MARCHF10: variants seen among roughly 807,000 people sequenced by gnomAD.
MARCHF10 encodes membrane associated ring-CH-type finger 10.
In MARCHF10, 64 loss-of-function variants were observed where a neutral mutation model predicts 76.2. That is an observed-to-expected ratio of 0.84 (90% CI 0.69 to 1.03). The LOEUF is 1.03. Among genes scored for constraint, MARCHF10 ranks in the 50% least tolerant of loss-of-function variants. MARCHF10 has a pLI of 0.00. For synonymous variants in MARCHF10, 340 were observed against 357.5 expected, an observed-to-expected ratio of 0.95 and a Z score of 0.55; for missense variants, 875 against 958.0, an observed-to-expected ratio of 0.91 and a Z score of 1.14.
intron 9 of MARCHF10, among the ~76,000 whole-genome samples, chr17:62,710,876 G>A (rs570454625): frequency 1.8e-4 from 28 of 151,998 alleles, no homozygotes; most frequent in African/African-American, 6.3e-4. Context: ...CCTCTTTTTC[G>A]CAGGTCCTCC....
intron 8 of MARCHF10, among the ~76,000 whole-genome samples, chr17:62,720,860 A>ATTTTTTTTTTTTTTTTTTTTTT: frequency 1.1e-5 from 1 of 87,992 alleles, no homozygotes; most frequent in Non-Finnish European, 2.2e-5. Context: ...GTAAGTTGTG[A>ATTTTTTTTTTTTTTTTTTTTTT]TTTTTTTTTT....
intron 7 of MARCHF10, among the ~76,000 whole-genome samples, chr17:62,723,459 A>G (rs1255202988): frequency 6.7e-6 from 1 of 150,344 alleles, no homozygotes; most frequent in African/African-American, 2.5e-5. Context: ...CCTCCATTCT[A>G]TTTCCCCACT....
At chr17:62,714,998 C>T (rs1346130108) in intron 8 of MARCHF10, among the ~76,000 whole-genome samples, 9 of 152,186 alleles carry the variant, frequency 5.9e-5, no homozygotes, top group African/African-American at 1.9e-4. Flanking sequence ...CCACCCACCT[C>T]GGCCTTTCAA....
At chr17:62,710,222 T>C (rs2089841135) in intron 9 of MARCHF10, among the ~76,000 whole-genome samples, 1 of 152,208 alleles carries the variant, frequency 6.6e-6, no homozygotes, top group Non-Finnish European at 1.5e-5. Context: ...CCCGGATGCT[T>C]TGAAGTTCAG....
intron 8 of MARCHF10, among the ~76,000 whole-genome samples, chr17:62,718,878 T>C (rs189468745): frequency 1.0e-3 from 152 of 152,322 alleles, no homozygotes; most frequent in Non-Finnish European, 1.4e-3. Context: ...TTCTCTTTTT[T>C]CCTTTTCTTT....
chr17:62,713,728 A>G (rs1321887956), intron 8 of MARCHF10, among the ~76,000 whole-genome samples: 1 of 152,212 alleles, frequency 6.6e-6, no homozygotes, highest in Non-Finnish European at 1.5e-5. Context: ...TACTGGAGCT[A>G]CGGCCCATCC....
chr17:62,795,865 T>C (rs919739240), intron 2 of MARCHF10, among the ~76,000 whole-genome samples: 46 of 152,086 alleles, frequency 3.0e-4, no homozygotes, highest in African/African-American at 1.0e-3. Context: ...GGGATTTCCA[T>C]AGGAAGTCAC....
In MARCHF10 at chr17:62,738,669, T is replaced by C. The variant is rs369642114; in HGVS notation, c.536-1337A>G. Among the ~76,000 whole-genome samples, 1 of 152,166 alleles carries C rather than the reference T, an allele frequency of 6.6e-6. No individual in the cohort carries two copies. Among genetic ancestry groups the C allele is most frequent in the Non-Finnish European group, 1.5e-5 (1 of 68,020 alleles). ...CCAAGTCAATTCTGGCTCACTTTAA[T>C]TGGGGCTCCTCACAGGGGGACACCA... On this transcript the variant is annotated intron_variant, in intron 5 of 10. Coordinates refer to ENST00000311269, the MANE Select transcript of MARCHF10 (RefSeq NM_152598.4). The surrounding 1 kb of genome is among the most constrained non-coding windows in gnomAD (Gnocchi z 4.0).
At position 62,711,442 on chromosome 17, in the gene MARCHF10, G is replaced by A. The variant is rs2002614; in HGVS notation, c.2215-98C>T. The A allele has an allele frequency of 0.014, 16,186 of 1,136,278 alleles. 198 individuals are homozygous for A. Among genetic ancestry groups the A allele is most frequent in the African/African-American group, 0.048 (3,158 of 65,146 alleles). The allele number at this position is 1,136,278 out of a possible 1,614,324, so 70.4% of individuals were successfully genotyped here. On this transcript the variant is annotated intron_variant, in intron 8 of 10. Coordinates refer to ENST00000311269, the MANE Select transcript of MARCHF10 (RefSeq NM_152598.4). This position sits in a 1 kb window ranked among gnomAD's most constrained non-coding sequence, Gnocchi z 4.4. ...ACAAGGCTAAGAGGTGACAAGAACT[G>A]GGAGAAGAGCCCAAGCTCCAAGGCA...
intron 3 of MARCHF10, among the ~76,000 whole-genome samples, chr17:62,783,658 T>A (rs1302388961): frequency 6.6e-6 from 1 of 151,236 alleles, no homozygotes; most frequent in Non-Finnish European, 1.5e-5. Context: ...GAGAGAAGAA[T>A]CAAATAGACG....
chr17:62,714,499 C>T (rs1316458854), intron 8 of MARCHF10: 1 of 752,974 alleles, frequency 1.3e-6, no homozygotes, highest in African/African-American at 1.9e-5. Context: ...TCTGTGAGGG[C>T]AAGACCTGCA....
chr17:62,776,581 G>A (rs1286020473), intron 3 of MARCHF10, among the ~76,000 whole-genome samples: 1 of 152,224 alleles, frequency 6.6e-6, no homozygotes, highest in Non-Finnish European at 1.5e-5. Context: ...CTTGTTTGCT[G>A]CATTAATGCT....
intron 1 of MARCHF10, chr17:62,804,892 A>C (rs925433296): frequency 2.6e-5 from 4 of 152,224 alleles, no homozygotes; most frequent in African/African-American, 9.7e-5. Context: ...GACAGGCGAC[A>C]TCTCTACCTT....
At chr17:62,789,257 C>T (rs2092802018) in intron 2 of MARCHF10, among the ~76,000 whole-genome samples, 1 of 152,142 alleles carries the variant, frequency 6.6e-6, no homozygotes. Flanking sequence ...TGGCCCCTCC[C>T]TCTTCCTACC....
intron 8 of MARCHF10, chr17:62,714,340 T>C: frequency 1.0e-6 from 1 of 957,578 alleles, no homozygotes; most frequent in African/African-American, 1.8e-5. Flanking sequence ...ACTCAATTTG[T>C]AATGGAAGGG....
rs1398831529 is a variant in MARCHF10, at chr17:62,736,572, G to A, written c.1296C>T (p.Gly432=). ...TCCAGTATCCTTCAGAATCATGGGTGCCAGGCCTATGTTCCACAGAAATAC... is the reference window on the plus strand; with the variant it reads ...TCCAGTATCCTTCAGAATCATGGGTACCAGGCCTATGTTCCACAGAAATAC... ...SDCISVEHRP[G]THDSEGYWKD... is the part of the protein sequence containing the mutation. The change falls in exon 6 of 11, where the codon GGC becomes GGT. Residue 432 remains glycine, a synonymous_variant. Coordinates refer to ENST00000311269, the MANE Select transcript of MARCHF10 (RefSeq NM_152598.4). 1 of 1,614,210 alleles carries A rather than the reference G, an allele frequency of 6.2e-7. No individual in the cohort carries two copies. Among genetic ancestry groups the A allele is most frequent in the Admixed American group, 1.7e-5 (1 of 60,024 alleles).
chr17:62,797,496 A>G (rs1045313868), intron 2 of MARCHF10, among the ~76,000 whole-genome samples: 2 of 152,148 alleles, frequency 1.3e-5, no homozygotes, highest in African/African-American at 2.4e-5. Flanking sequence ...GAGCCACCAC[A>G]CCTGACCAGT....
At chr17:62,743,111 A>G (rs2091575302) in intron 5 of MARCHF10, among the ~76,000 whole-genome samples, 1 of 152,202 alleles carries the variant, frequency 6.6e-6, no homozygotes, top group African/African-American at 2.4e-5. Context: ...TTATTTTAAG[A>G]TAAAGGAACT....
At position 62,781,746 on chromosome 17, in the gene MARCHF10, G is replaced by C. The variant is rs551495863; in HGVS notation, c.210+6734C>G. 3.3e-5 allele frequency among the ~76,000 whole-genome samples: 5 copies of C among 152,306 alleles called. No homozygotes were observed. The South Asian group carries it at 1.0e-3, about 32-fold the overall frequency. ...TTGACACTGAAGCCATTATTTGATG[G>C]TAAATGCCTCGTTCGTTCCAGGCTC... is the stretch of plus-strand genomic sequence containing the variant. On this transcript the variant is annotated intron_variant, in intron 3 of 10. Transcript: ENST00000311269.
Sources: allele counts gnomAD v4.1 joint callset (sites outside exome capture counted in the v4.1 genomes callset), GRCh38; gene constraint gnomAD v4.1.1; non-coding constraint Gnocchi (gnomAD v3.1); transcripts MANE v1.5; gene names NCBI Gene and HGNC (gene_info 2026-07-23, HGNC 2026-07-21).